UGT2B4: variants seen among roughly 807,000 people sequenced by gnomAD.
The protein encoded by UGT2B4 is UDP-glucuronosyltransferase 2B4.
In UGT2B4, 49 loss-of-function variants were observed where a neutral mutation model predicts 49.8. The observed-to-expected ratio is 0.98, with a 90% CI of 0.78 to 1.25. The LOEUF (loss-of-function observed/expected upper bound fraction) is 1.25. UGT2B4 is among the 50% of genes most tolerant of loss of function. The pLI, the probability that UGT2B4 is intolerant of heterozygous loss-of-function variation, is 0.00. For synonymous variants in UGT2B4, 246 were observed against 217.7 expected (o/e 1.13, Z -1.14); for missense variants, 729 against 627.7 (o/e 1.16, Z -1.73).
chr4:69,483,128 C>G (rs910958447), intron 5 of UGT2B4, among the ~76,000 whole-genome samples: 3 of 152,012 alleles, frequency 2.0e-5, no homozygotes, highest in Non-Finnish European at 4.4e-5. Flanking sequence ...TTATGATTTA[C>G]TTTTTTACTT....
At chr4:69,502,137 CTT>C (rs751163533) in intron 1 of UGT2B4, among the ~76,000 whole-genome samples, 2 of 121,126 alleles carry the variant, frequency 1.7e-5, no homozygotes, top group Non-Finnish European at 3.5e-5. Context: ...TTCTTTCTTT[CTT>C]TCTTTCTTTC....
Position 69,525,594 on chromosome 4 carries a change from G to T in UGT2B4, c.-106+93C>A, listed in dbSNP as rs115078657. ...TTTGGGCAACGTGATATAGTTTCAA[G>T]ATATGGGTTAGACAATAGATTATCT... is the stretch of plus-strand genomic sequence containing the variant. On this transcript the variant is annotated intron_variant, in intron 1 of 1. Coordinates refer to the UGT2B4 transcript ENST00000510114. The T allele has an allele frequency of 2.4e-3, 1,641 of 685,208 alleles. 29 individuals are homozygous for T. The African/African-American group carries it at 0.03, about 13-fold the overall frequency. The allele number at this position is 685,208 out of a possible 1,614,324, so 42.4% of individuals were successfully genotyped here.
At chr4:69,504,337 T>C (rs1728417909) in intron 1 of UGT2B4, among the ~76,000 whole-genome samples, 1 of 152,074 alleles carries the variant, frequency 6.6e-6, no homozygotes, top group Non-Finnish European at 1.5e-5. Context: ...GATAATAAAT[T>C]ATCATAGGAG....
At chr4:69,516,379 C>A (rs987574969) in intron 1 of UGT2B4, among the ~76,000 whole-genome samples, 22 of 152,170 alleles carry the variant, frequency 1.4e-4, no homozygotes, top group Admixed American at 1.3e-3. Flanking sequence ...AGTGGTATTT[C>A]TGGTTCCAGG....
chr4:69,483,876 C>T (rs531157893), intron 5 of UGT2B4, among the ~76,000 whole-genome samples: 77 of 151,856 alleles, frequency 5.1e-4, no homozygotes, highest in Admixed American at 9.2e-4. Flanking sequence ...GCACCAAGAA[C>T]GAGACGAAAT....
intron 2 of UGT2B4, among the ~76,000 whole-genome samples, chr4:69,490,803 C>T (rs754901285): frequency 2.0e-5 from 3 of 152,034 alleles, no homozygotes; most frequent in South Asian, 2.1e-4. Context: ...AGGTATTGTG[C>T]GTAATTGCAG....
chr4:69,486,768 A>G, intron 3 of UGT2B4, 72 bp from the exon 4 acceptor site: 1 of 1,187,508 alleles, frequency 8.4e-7, no homozygotes, highest in Non-Finnish European at 1.2e-6. Flanking sequence ...AAATCTAAAG[A>G]GATTAACAAT....
chr4:69,488,144 A>G (rs1306296212), intron 3 of UGT2B4, among the ~76,000 whole-genome samples: 6 of 152,200 alleles, frequency 3.9e-5, no homozygotes, highest in Non-Finnish European at 8.8e-5. Context: ...TTTTGACACA[A>G]ATTCAGAGTA....
upstream of UGT2B4, among the ~76,000 whole-genome samples, chr4:69,500,625 GAAAGAAAGA>G (rs1224357770): frequency 1.5e-5 from 2 of 130,414 alleles, no homozygotes; most frequent in South Asian, 2.5e-4. Flanking sequence ...AAGAAAGAAA[GAAAGAAAGA>G]AAGAAAGAAA....
At chr4:69,510,393 A>AC (rs1728575608) in intron 1 of UGT2B4, among the ~76,000 whole-genome samples, 1 of 152,176 alleles carries the variant, frequency 6.6e-6, no homozygotes, top group East Asian at 1.9e-4. Flanking sequence ...ATCTAATTTT[A>AC]TAAAAAATGT....
At chr4:69,505,433 T>C (rs1184493447) in intron 1 of UGT2B4, among the ~76,000 whole-genome samples, 1 of 152,088 alleles carries the variant, frequency 6.6e-6, no homozygotes, top group East Asian at 1.9e-4. Context: ...TCCTACTTTC[T>C]GACAAAACAG....
intron 1 of UGT2B4, among the ~76,000 whole-genome samples, chr4:69,509,769 A>C (rs997680803): frequency 6.6e-6 from 1 of 152,032 alleles, no homozygotes; most frequent in African/African-American, 2.4e-5. Flanking sequence ...TATCAGATAC[A>C]TATCTTGACA....
rs1553896680 is a variant in UGT2B4, at chr4:69,502,122, T to TTTC, written c.-105-6159_-105-6157dup. On this transcript the variant is annotated intron_variant, in intron 1 of 1. Coordinates refer to the UGT2B4 transcript ENST00000510114. ...CTTTCTTTCTTTCTTTCTTTCTTTC[T>TTTC]TTCTTTCTTTCTTTCTTTCTTTCTT... Among the ~76,000 whole-genome samples, 13 of 141,576 alleles carry TTTC rather than the reference T, an allele frequency of 9.2e-5. 1 individual carries two copies. Among genetic ancestry groups the TTTC allele is most frequent in the African/African-American group, 3.6e-4 (13 of 36,030 alleles). The allele number at this position is 141,576 out of a possible 152,430, so 92.9% of individuals were successfully genotyped here.
chr4:69,487,887 G>C (rs1429286624), intron 3 of UGT2B4, among the ~76,000 whole-genome samples: 1 of 151,896 alleles, frequency 6.6e-6, no homozygotes, highest in African/African-American at 2.4e-5. Flanking sequence ...TATTTTATGA[G>C]TTTTCATCTA....
At chr4:69,511,268 G>C (rs946908882) in intron 1 of UGT2B4, among the ~76,000 whole-genome samples, 2 of 152,032 alleles carry the variant, frequency 1.3e-5, no homozygotes, top group African/African-American at 2.4e-5. Context: ...GGGATTACAG[G>C]CTTGAGCCAC....
At chr4:69,496,215 TG>T (rs1180621306), upstream of UGT2B4, among the ~76,000 whole-genome samples, 2 of 151,292 alleles carry the variant, frequency 1.3e-5, no homozygotes, top group African/African-American at 4.9e-5. Context: ...TTAGTAGAGA[TG>T]GGGTTTCACT....
upstream of UGT2B4, among the ~76,000 whole-genome samples, chr4:69,500,606 G>GCAAGAAAGCAAGAAAGAAAGAAAGA (rs1553896493): frequency 1.0e-5 from 1 of 99,600 alleles, no homozygotes; most frequent in African/African-American, 4.3e-5. Context: ...AGAAAGCAAG[G>GCAAGAAAGCAAGAAAGAAAGAAAGA]AAGAAAGAAA....
intron 1 of UGT2B4, among the ~76,000 whole-genome samples, chr4:69,519,398 T>C (rs770521597): frequency 6.6e-6 from 1 of 152,126 alleles, no homozygotes; most frequent in South Asian, 2.1e-4. Flanking sequence ...ATTTATTATA[T>C]CTGAGATCAG....
chr4:69,516,872 G>C lies in UGT2B4; in HGVS notation c.-106+8815C>G, dbSNP rs890153435. 9.7e-5 allele frequency among the ~76,000 whole-genome samples: 14 copies of C among 144,984 alleles called. No individual in the cohort carries two copies. In the East Asian group the frequency reaches 2.5e-3, roughly 26 times the overall value. On this transcript the variant is annotated intron_variant, in intron 1 of 1. Transcript: ENST00000510114. ...ATTTGCCCGCCTTACGCTCCCAAAG[G>C]CTTCTTTTTTTTTTTCTTTTTTTAC...
Sources: allele counts gnomAD v4.1 joint callset (sites outside exome capture counted in the v4.1 genomes callset), GRCh38; gene constraint gnomAD v4.1.1; transcripts MANE v1.5; gene names NCBI Gene and HGNC (gene_info 2026-07-23, HGNC 2026-07-21).